ATG10: variants seen among roughly 807,000 people sequenced by gnomAD.
ATG10 encodes the protein ubiquitin-like-conjugating enzyme ATG10.
In ATG10, 30 loss-of-function variants were observed where a neutral mutation model predicts 32.1. That is an observed-to-expected ratio of 0.94 (90% confidence interval 0.70 to 1.27). The LOEUF (loss-of-function observed/expected upper bound fraction) is 1.27, where lower values mean the gene tolerates loss of function less well. ATG10 is among the 50% of genes most tolerant of loss of function. The pLI is 0.00. For synonymous variants in ATG10, 87 were observed against 91.5 expected, an observed-to-expected ratio of 0.95 and a Z score of 0.28; for missense variants, 233 against 262.3, an observed-to-expected ratio of 0.89 and a Z score of 0.77.
intron 3 of ATG10, chr5:82,078,286 A>G (rs1417206511): frequency 6.6e-6 from 1 of 152,126 alleles, no homozygotes; most frequent in Non-Finnish European, 1.5e-5. Context: ...TAAAATGATT[A>G]TTTTACCTGA....
intron 5 of ATG10, among the ~76,000 whole-genome samples, chr5:82,221,402 A>G (rs1456255684): frequency 6.6e-6 from 1 of 152,200 alleles, no homozygotes; most frequent in Admixed American, 6.5e-5. Context: ...GTTCAATGAC[A>G]TGACTGATCT....
chr5:82,251,544 G>A (rs1747252662), intron 5 of ATG10, among the ~76,000 whole-genome samples: 1 of 152,212 alleles, frequency 6.6e-6, no homozygotes, highest in Non-Finnish European at 1.5e-5. Flanking sequence ...CTGGAGCAGA[G>A]TAGCCAGCAT....
chr5:82,019,456 C>T (rs1490029992), intron 2 of ATG10, among the ~76,000 whole-genome samples: 1 of 152,036 alleles, frequency 6.6e-6, no homozygotes, highest in African/African-American at 2.4e-5. Context: ...AGACAAAAGA[C>T]TCTAAGTAAC....
At chr5:82,142,543 T>C (rs1767194654) in intron 3 of ATG10, among the ~76,000 whole-genome samples, 1 of 152,092 alleles carries the variant, frequency 6.6e-6, no homozygotes, top group African/African-American at 2.4e-5. Flanking sequence ...AAGATAAGGG[T>C]GCACATATGG....
At position 82,233,732 on chromosome 5, in the gene ATG10, A is replaced by G. The variant is rs576568771; in HGVS notation, c.454-18830A>G. Among the ~76,000 whole-genome samples, 6 of 152,274 alleles carry G rather than the reference A, an allele frequency of 3.9e-5. No homozygotes were observed. In the South Asian group the frequency reaches 6.2e-4, roughly 16 times the overall value. On this transcript the variant is annotated intron_variant, in intron 5 of 7. Transcript: ENST00000282185. ...TCTGCCCTCAACTTCCTTACCTGTC[A>G]TCTCTCTGTCCCCAACTTTCTTACT...
At chr5:82,017,153 C>G (rs1762310764) in intron 2 of ATG10, among the ~76,000 whole-genome samples, 1 of 148,368 alleles carries the variant, frequency 6.7e-6, no homozygotes, top group Non-Finnish European at 1.5e-5. Context: ...AGTATTTTAT[C>G]TCTTTTTTTT....
At chr5:82,119,925 C>A (rs998992716) in intron 3 of ATG10, among the ~76,000 whole-genome samples, 1 of 152,094 alleles carries the variant, frequency 6.6e-6, no homozygotes, top group Middle Eastern at 3.2e-3. Context: ...ACAACAAACC[C>A]TTTTCTTTGG....
chr5:82,030,690 A>G (rs1445838395), intron 2 of ATG10, among the ~76,000 whole-genome samples: 1 of 152,206 alleles, frequency 6.6e-6, no homozygotes, highest in African/African-American at 2.4e-5. Context: ...GTTCTGCAGT[A>G]CTATTGACCT....
At chr5:82,052,701 G>A (rs900423824) in intron 2 of ATG10, among the ~76,000 whole-genome samples, 9 of 152,054 alleles carry the variant, frequency 5.9e-5, no homozygotes, top group African/African-American at 2.2e-4. Flanking sequence ...TGTACACATA[G>A]CCTGTACAGT....
chr5:81,998,712 A>G (rs1761741997), intron 2 of ATG10, among the ~76,000 whole-genome samples: 1 of 152,228 alleles, frequency 6.6e-6, no homozygotes, highest in East Asian at 1.9e-4. Flanking sequence ...AGAAAATGGA[A>G]AACAGAAAAA....
chr5:82,035,217 A>G (rs894008140), intron 2 of ATG10, among the ~76,000 whole-genome samples: 2 of 152,108 alleles, frequency 1.3e-5, no homozygotes, highest in Non-Finnish European at 2.9e-5. Flanking sequence ...TGGCCAATTT[A>G]TTTAGTTTTA....
At chr5:82,114,404 T>C (rs1229029032) in intron 3 of ATG10, among the ~76,000 whole-genome samples, 1 of 152,044 alleles carries the variant, frequency 6.6e-6, no homozygotes, top group Non-Finnish European at 1.5e-5. Context: ...GGAACACTTT[T>C]ATGCACATAG....
At chr5:82,147,796 A>G (rs1416352423) in intron 3 of ATG10, 2 of 152,282 alleles carry the variant, frequency 1.3e-5, no homozygotes, top group East Asian at 3.9e-4. Flanking sequence ...AGTTTCCTCC[A>G]GTCAGAAAGA....
At chr5:82,104,142 G>A (rs893599128) in intron 3 of ATG10, among the ~76,000 whole-genome samples, 2 of 151,982 alleles carry the variant, frequency 1.3e-5, no homozygotes, top group Non-Finnish European at 2.9e-5. Context: ...AAAAGTACTG[G>A]TATGAACATT....
At chr5:82,161,931 C>G (rs897301717) in intron 3 of ATG10, among the ~76,000 whole-genome samples, 1 of 151,858 alleles carries the variant, frequency 6.6e-6, no homozygotes, top group Non-Finnish European at 1.5e-5. Context: ...CAGCAGGAAG[C>G]CTTCTGATGA....
At chr5:82,029,187 C>T (rs1201113056) in intron 2 of ATG10, among the ~76,000 whole-genome samples, 2 of 152,086 alleles carry the variant, frequency 1.3e-5, no homozygotes, top group African/African-American at 4.8e-5. Flanking sequence ...TATCCAAATT[C>T]TGGTTAATGA....
chr5:82,151,033 C>T (rs1051499149), intron 3 of ATG10, among the ~76,000 whole-genome samples: 2 of 152,112 alleles, frequency 1.3e-5, no homozygotes, highest in Admixed American at 1.3e-4. Context: ...ATTTTGCCTT[C>T]ATAATTTTGT....
intron 7 of ATG10, 149 bp downstream of exon 7, chr5:82,253,578 C>G: frequency 4.9e-6 from 3 of 614,570 alleles, no homozygotes; most frequent in South Asian, 3.9e-5. Context: ...CAGTCCCCTA[C>G]CAAGTTATTT....
intron 5 of ATG10, among the ~76,000 whole-genome samples, chr5:82,191,753 C>T (rs1344836225): frequency 6.6e-6 from 1 of 152,082 alleles, no homozygotes; most frequent in Non-Finnish European, 1.5e-5. Flanking sequence ...AGGTCATGAA[C>T]CCCTTTTGAG....
Sources: allele counts gnomAD v4.1 joint callset (sites outside exome capture counted in the v4.1 genomes callset), GRCh38; gene constraint gnomAD v4.1.1; transcripts MANE v1.5; gene names NCBI Gene and HGNC (gene_info 2026-07-23, HGNC 2026-07-21).